The following RND1 variants were observed in gnomAD, a reference collection of about 807,000 sequenced individuals.
RND1 encodes rho-related GTP-binding protein Rho6.
RND1 carries 9 observed loss-of-function variants against 27.1 expected under a neutral mutation model. The observed-to-expected ratio is 0.33, with a 90% confidence interval of 0.20 to 0.58. The LOEUF is 0.58. Ranked by LOEUF, RND1 falls within the 20% of genes least tolerant of loss-of-function variation. The pLI, the probability that RND1 is intolerant of heterozygous loss-of-function variation, is 0.86. For missense variants in RND1, 253 were observed against 292.2 expected, an observed-to-expected ratio of 0.87 and a Z score of 0.98; for synonymous variants, 108 against 115.7, an observed-to-expected ratio of 0.93 and a Z score of 0.43.
In RND1 at chr12:48,865,806, G is replaced by A. The variant is rs144933576; in HGVS notation, c.-39C>T. ...GCGGGACTTGAACTTCGATTCAGAAGGGAGGGTTGCGCCAGGTGCGTCTCA... is the reference window on the plus strand; with the variant it reads ...GCGGGACTTGAACTTCGATTCAGAAAGGAGGGTTGCGCCAGGTGCGTCTCA... On this transcript the variant is annotated 5_prime_UTR_variant, in exon 1 of 5. Coordinates refer to ENST00000309739, the MANE Select transcript of RND1 (RefSeq NM_014470.4). 1,082 of 1,550,966 alleles carry A rather than the reference G, an allele frequency of 7.0e-4. 9 individuals carry two copies. The East Asian group carries it at 0.021, about 30-fold the overall frequency.
rs1938916365 is a variant in RND1, at chr12:48,861,263, T to C, written c.319-132A>G. ...CACTCATCACCAGCCCAGTCCTCCC[T>C]CTGAGTCACAGCATCACCGTTGCAC... On this transcript the variant is annotated intron_variant, in intron 3 of 4. Transcript: ENST00000309739. 4 of 908,512 alleles carry C rather than the reference T, an allele frequency of 4.4e-6. No homozygotes were observed. The East Asian group carries it at 7.9e-5, about 18-fold the overall frequency. The allele number at this position is 908,512 out of a possible 1,614,324, so 56.3% of individuals were successfully genotyped here.
intron 2 of RND1, 156 bp from the exon 3 acceptor site, chr12:48,862,274 G>A: frequency 1.8e-6 from 1 of 568,612 alleles, no homozygotes. Flanking sequence ...GGACCTGACT[G>A]TCTGCCAGAA....
intron 2 of RND1, 55 bp downstream of exon 2, chr12:48,864,728 G>T: frequency 7.9e-7 from 1 of 1,270,558 alleles, no homozygotes; most frequent in Non-Finnish European, 1.2e-6. Context: ...AAAGACAGCA[G>T]CTACACAGCA....
chr12:48,858,374 A>T (rs2137506140), intron 4 of RND1, 133 bp from the exon 5 acceptor site: 53 of 757,482 alleles, frequency 7.0e-5, no homozygotes, highest in African/African-American at 9.2e-5. Flanking sequence ...TCTGCAGATT[A>T]TTCGATTATC....
chr12:48,859,250 G>GTGCCCCT, intron 4 of RND1: 1 of 152,182 alleles, frequency 6.6e-6, no homozygotes, highest in Non-Finnish European at 1.5e-5. Context: ...GAGCCACCGC[G>GTGCCCCT]CCTGGCCGGT....
chr12:48,860,258 A>G (rs1049572603), intron 4 of RND1, among the ~76,000 whole-genome samples: 10 of 149,548 alleles, frequency 6.7e-5, no homozygotes, highest in African/African-American at 2.5e-4. Context: ...TACTTTTGGT[A>G]TTTTTAGTAG....
chr12:48,861,412 T>G (rs1242070632), intron 3 of RND1, among the ~76,000 whole-genome samples: 1 of 152,156 alleles, frequency 6.6e-6, no homozygotes, highest in Non-Finnish European at 1.5e-5. Context: ...CCTCCCACTC[T>G]CTGCCAACCA....
intron 4 of RND1, chr12:48,859,160 A>C (rs1314158977): frequency 6.6e-6 from 1 of 150,764 alleles, no homozygotes. Context: ...GTGTTTCACC[A>C]TGTTAGCCAG....
chr12:48,865,496 C>T, intron 1 of RND1, 152 bp downstream of exon 1: 1 of 899,308 alleles, frequency 1.1e-6, no homozygotes, highest in Non-Finnish European at 1.7e-6. Flanking sequence ...GGCAGTCCTC[C>T]AGCCAAAAAG....
intron 4 of RND1, among the ~76,000 whole-genome samples, chr12:48,860,694 C>T (rs1938909136): frequency 1.4e-5 from 2 of 143,576 alleles, no homozygotes; most frequent in African/African-American, 4.9e-5. Context: ...AGCCACCTTG[C>T]ACCTGGCCTC....
At chr12:48,859,811 G>A (rs141803212) in intron 4 of RND1, among the ~76,000 whole-genome samples, 39 of 152,234 alleles carry the variant, frequency 2.6e-4, no homozygotes, top group African/African-American at 7.9e-4. Flanking sequence ...ACTTGAGTCC[G>A]GGAGGTCAAG....
At chr12:48,865,545 T>TGGGCTG (rs1207974805) in intron 1 of RND1, 103 bp downstream of exon 1, 6 of 1,354,758 alleles carry the variant, frequency 4.4e-6, no homozygotes, top group Non-Finnish European at 6.1e-6. Context: ...CGGCTGAGGA[T>TGGGCTG]GGGCTGGGGC....
chr12:48,857,880 G>T lies in RND1; in HGVS notation c.*116C>A. 1.6e-6 allele frequency: 2 copies of T among 1,276,062 alleles called. No homozygotes were observed. The highest frequency in any genetic ancestry group is 2.5e-5 in the East Asian group (1 of 40,776). 79.0% of individuals were successfully genotyped at this position (1,276,062 alleles called of 1,614,324 possible). A position where few individuals can be genotyped will look rare whatever the true frequency, so the allele number is the denominator to read the frequency against. ...TCCTGTCTCCTTCCAAGCCCTCACCGTGGCCATCTGAAAAACTCATGTCCA... is the reference window on the plus strand; with the variant it reads ...TCCTGTCTCCTTCCAAGCCCTCACCTTGGCCATCTGAAAAACTCATGTCCA... On this transcript the variant is annotated 3_prime_UTR_variant, in exon 5 of 5. Transcript: ENST00000309739.
At chr12:48,865,396 A>G in intron 1 of RND1, 1 of 521,780 alleles carries the variant, frequency 1.9e-6, no homozygotes. Context: ...AGGAAGGTGG[A>G]GGGGATCTGA....
chr12:48,862,057 T>G lies in RND1; in HGVS notation c.270A>C (p.Leu90=), dbSNP rs1938925287. Residue 90 remains leucine (L), a synonymous_variant, in exon 3 of 5, where the codon CTA becomes CTC. Transcript: ENST00000309739. ...TCTCTGGACGGCTGATGTCAAAACA[T>G]AGTAATACTGCATCCGAGTCGCTGT... ...LCYSDSDAVL[L]CFDISRPETV... is the part of the protein sequence containing the mutation. The G allele has an allele frequency of 1.2e-6, 2 of 1,613,740 alleles. No homozygotes were observed. The highest frequency in any genetic ancestry group is 1.7e-6 in the Non-Finnish European group (2 of 1,179,612).
intron 2 of RND1, 77 bp from the exon 3 acceptor site, chr12:48,862,195 G>C (rs1347566956): frequency 1.2e-6 from 1 of 811,582 alleles, no homozygotes. Context: ...TAAAGCCCTG[G>C]GAATACCATC....
At chr12:48,860,411 C>G (rs1938905022) in intron 4 of RND1, among the ~76,000 whole-genome samples, 1 of 151,536 alleles carries the variant, frequency 6.6e-6, no homozygotes, top group Non-Finnish European at 1.5e-5. Flanking sequence ...TTTTTTGAGA[C>G]AGGGTCTCAC....
chr12:48,864,416 T>TGTGTGTGTGTGTGTGTGC (rs141121524), intron 2 of RND1, among the ~76,000 whole-genome samples: 2 of 135,560 alleles, frequency 1.5e-5, no homozygotes, highest in African/African-American at 5.4e-5. Context: ...TGTGTGTGTG[T>TGTGTGTGTGTGTGTGTGC]GCGCGCGCGC....
Position 48,862,004 on chromosome 12 carries a change from CT to C in RND1, c.318+4del. On this transcript the variant is annotated splice_donor_region_variant and intron_variant, in intron 3 of 4. Transcript: ENST00000309739. ...TTAGAGATTAGAGAGTTGATCTAGT[CT>C]TACCTTCTTGAGTGCGCTGTCCACT... 1 of 1,528,542 alleles carries C rather than the reference CT, an allele frequency of 6.5e-7. No individual in the cohort carries two copies. The highest frequency in any genetic ancestry group is 9.1e-7 in the Non-Finnish European group (1 of 1,102,106). The allele number at this position is 1,528,542 out of a possible 1,614,324, so 94.7% of individuals were successfully genotyped here.
Sources: gnomAD v4.1 joint callset for allele counts (sites outside exome capture counted in the v4.1 genomes callset) on GRCh38, gnomAD v4.1.1 for gene constraint, MANE v1.5 for transcripts, NCBI Gene and HGNC (gene_info 2026-07-23, HGNC 2026-07-21) for gene names.